The following ETFA variants were observed in gnomAD, a reference collection of about 807,000 sequenced individuals.
ETFA encodes the protein electron transfer flavoprotein subunit alpha, mitochondrial.
In ETFA, 22 loss-of-function variants were observed where a neutral mutation model predicts 46.2. The ratio of observed to expected loss-of-function variants is 0.48; its 90% CI spans 0.34 to 0.68. The LOEUF (loss-of-function observed/expected upper bound fraction) is 0.68, where lower values mean the gene tolerates loss of function less well. Among genes scored for constraint, ETFA ranks in the 30% least tolerant of loss-of-function variants. The pLI, the probability that ETFA is intolerant of heterozygous loss-of-function variation, is 0.01. For synonymous variants in ETFA, 131 were observed against 139.9 expected (o/e 0.94, Z 0.45); for missense variants, 345 against 401.1 (o/e 0.86, Z 1.19).
Position 76,290,716 on chromosome 15 carries a change from T to C in ETFA, c.351+1715A>G, listed in dbSNP as rs145386440. Among the ~76,000 whole-genome samples the C allele has an allele frequency of 1.8e-3, 268 of 152,264 alleles. 3 individuals carry two copies. The highest frequency in any genetic ancestry group is 5.9e-3 in the African/African-American group (245 of 41,538). ...TATCCCATTTTAGAAGTAAAAAATA[T>C]ATAGCTGTACATGTACTGTAATTTA... On this transcript the variant is annotated intron_variant, in intron 4 of 11. Coordinates refer to ENST00000557943, the MANE Select transcript of ETFA (RefSeq NM_000126.4).
intron 9 of ETFA, among the ~76,000 whole-genome samples, chr15:76,239,195 G>T (rs2039158603): frequency 6.6e-6 from 1 of 152,120 alleles, no homozygotes; most frequent in Non-Finnish European, 1.5e-5. Flanking sequence ...AGGCAGGCTT[G>T]CTGAGTTGTC....
chr15:76,307,767 A>C (rs1407358866), intron 1 of ETFA, among the ~76,000 whole-genome samples: 2 of 152,184 alleles, frequency 1.3e-5, no homozygotes, highest in African/African-American at 4.8e-5. Flanking sequence ...TACAGGTGTC[A>C]GCCACCATGG....
intron 9 of ETFA, among the ~76,000 whole-genome samples, chr15:76,252,708 T>TA (rs2039310407): frequency 6.6e-6 from 1 of 151,992 alleles, no homozygotes; most frequent in South Asian, 2.1e-4. Context: ...CATTAGAAAA[T>TA]AAAAAATTGG....
At chr15:76,274,734 G>C (rs1171962555) in intron 8 of ETFA, among the ~76,000 whole-genome samples, 4 of 152,086 alleles carry the variant, frequency 2.6e-5, no homozygotes, top group Admixed American at 6.6e-5. Context: ...ATAATGTTTA[G>C]AATGTCATTA....
chr15:76,238,608 C>A (rs968593784), intron 9 of ETFA, among the ~76,000 whole-genome samples: 1 of 152,116 alleles, frequency 6.6e-6, no homozygotes. Flanking sequence ...ACATAATATA[C>A]ATATACATAA....
intron 9 of ETFA, among the ~76,000 whole-genome samples, chr15:76,254,571 C>T (rs1165174646): frequency 6.6e-6 from 1 of 152,162 alleles, no homozygotes; most frequent in African/African-American, 2.4e-5. Flanking sequence ...AGCCCCAAGA[C>T]CCTTTCAGGG....
At position 76,230,218 on chromosome 15, in the gene ETFA, C is replaced by CTTTTTTTTTTTTT. The variant is rs199621717; in HGVS notation, c.882+1102_882+1114dup. On this transcript the variant is annotated intron_variant, in intron 10 of 11. Transcript: ENST00000557943. Reference sequence around the variant, plus strand: ...GTGTTTCCTTCCTCTACTTATTGCACTTTTTTTTTTTTTTTTTTTTTTTTT... The same window carrying CTTTTTTTTTTTTT: ...GTGTTTCCTTCCTCTACTTATTGCACTTTTTTTTTTTTTTTTTTTTTTTTTTTTTTTTTTTTTT... The CTTTTTTTTTTTTT allele has an allele frequency of 3.1e-4, 15 of 48,514 alleles. 1 individual carries two copies. Among genetic ancestry groups the CTTTTTTTTTTTTT allele is most frequent in the African/African-American group, 1.0e-3 (11 of 10,514 alleles). 3.0% of individuals were successfully genotyped at this position (48,514 alleles called of 1,614,324 possible). A position where few individuals can be genotyped will look rare whatever the true frequency, so the allele number is the denominator to read the frequency against.
chr15:76,295,826 T>C, intron 1 of ETFA, 89 bp from the exon 2 acceptor site: 1 of 990,652 alleles, frequency 1.0e-6, no homozygotes, highest in South Asian at 1.5e-5. Flanking sequence ...GCATGTATGC[T>C]TTAAAGAAAA....
At chr15:76,260,682 C>A (rs1208365513) in intron 9 of ETFA, 1 of 1,598,826 alleles carries the variant, frequency 6.3e-7, no homozygotes, top group Non-Finnish European at 8.6e-7. Flanking sequence ...CACTTCTTCC[C>A]ACTCCAAGAT....
chr15:76,292,610 A>C lies in ETFA; in HGVS notation c.268+9T>G. ...AGACACTACATTTTTTTCTACTGGA[A>C]AACCTCACCTGGAAGTAGGCCTTTG... On this transcript the variant is annotated intron_variant, in intron 3 of 11. Transcript: ENST00000557943. 6.2e-7 allele frequency: 1 copy of C among 1,611,072 alleles called. No individual in the cohort carries two copies. The highest frequency in any genetic ancestry group is 8.5e-7 in the Non-Finnish European group (1 of 1,177,188).
At chr15:76,255,938 C>G (rs369763524) in intron 9 of ETFA, among the ~76,000 whole-genome samples, 1 of 151,608 alleles carries the variant, frequency 6.6e-6, no homozygotes, top group Non-Finnish European at 1.5e-5. Flanking sequence ...CCACTTTCAC[C>G]TAAGGTCCTT....
chr15:76,293,355 C>G (rs988922299), intron 2 of ETFA, among the ~76,000 whole-genome samples: 4 of 152,142 alleles, frequency 2.6e-5, no homozygotes, highest in Non-Finnish European at 5.9e-5. Context: ...TTGGTTCAAT[C>G]CAAGTGTAAG....
chr15:76,282,802 C>A (rs2141527022), intron 8 of ETFA, among the ~76,000 whole-genome samples: 1 of 152,168 alleles, frequency 6.6e-6, no homozygotes, highest in East Asian at 1.9e-4. Flanking sequence ...TTGTGTAATT[C>A]AAAAATAATC....
intron 8 of ETFA, among the ~76,000 whole-genome samples, chr15:76,281,053 T>G (rs1373046998): frequency 6.6e-6 from 1 of 151,530 alleles, no homozygotes; most frequent in Non-Finnish European, 1.5e-5. Flanking sequence ...TAGCTAGGAC[T>G]ACAGGTACGT....
intron 9 of ETFA, among the ~76,000 whole-genome samples, chr15:76,253,649 G>C (rs182456220): frequency 6.6e-6 from 1 of 152,256 alleles, no homozygotes; most frequent in African/African-American, 2.4e-5. Flanking sequence ...TAAAAACAAA[G>C]AAATACTGAA....
chr15:76,281,920 T>TTC (rs2039657548), intron 8 of ETFA, among the ~76,000 whole-genome samples: 1 of 148,056 alleles, frequency 6.8e-6, no homozygotes, highest in African/African-American at 2.5e-5. Context: ...TTTTTTTTTT[T>TTC]CCAGACGGCA....
intron 10 of ETFA, chr15:76,228,308 C>T (rs2039026111): frequency 1.4e-5 from 4 of 292,576 alleles, no homozygotes; most frequent in Non-Finnish European, 2.0e-5. Flanking sequence ...CCTCAGCCTC[C>T]TGAGTAGCTG....
chr15:76,268,023 T>G (rs924479156), intron 9 of ETFA, among the ~76,000 whole-genome samples: 3 of 152,136 alleles, frequency 2.0e-5, no homozygotes, highest in Non-Finnish European at 4.4e-5. Flanking sequence ...TTTGCAATAC[T>G]ATTGCACAAG....
intron 9 of ETFA, among the ~76,000 whole-genome samples, chr15:76,262,473 CCTTTTT>C (rs2039425362): frequency 8.4e-6 from 1 of 118,600 alleles, no homozygotes; most frequent in Non-Finnish European, 1.8e-5. Flanking sequence ...AATCAAACCC[CCTTTTT>C]TTTTTTTTTT....
Sources: allele counts gnomAD v4.1 joint callset (sites outside exome capture counted in the v4.1 genomes callset), GRCh38; gene constraint gnomAD v4.1.1; transcripts MANE v1.5; gene names NCBI Gene and HGNC (gene_info 2026-07-23, HGNC 2026-07-21).